CD55: variants seen among roughly 807,000 people sequenced by gnomAD.
CD55 encodes CD55 molecule (Cromer blood group), also known as complement decay-accelerating factor.
A neutral mutation model predicts 45.8 loss-of-function variants in CD55; 41 were observed. The ratio of observed to expected loss-of-function variants is 0.90; its 90% confidence interval spans 0.70 to 1.16. CD55 has a LOEUF of 1.16. Among genes scored for constraint, CD55 ranks in the 50% most tolerant of loss-of-function variants. The probability of loss-of-function intolerance (pLI) is 0.00; values close to 1 mark genes in which losing one functional copy is unlikely to be tolerated. For synonymous variants in CD55, 181 were observed against 181.1 expected (o/e 1.00, Z 0.01); for missense variants, 416 against 469.8 (o/e 0.89, Z 1.06).
chr1:207,344,433 G>A (rs1655550187), intron 9 of CD55, among the ~76,000 whole-genome samples: 1 of 152,122 alleles, frequency 6.6e-6, no homozygotes, highest in South Asian at 2.1e-4. Context: ...CCATCATGGT[G>A]ATTAATTCCA....
chr1:207,355,755 A>G (rs1045690848), intron 9 of CD55, among the ~76,000 whole-genome samples: 5 of 152,194 alleles, frequency 3.3e-5, no homozygotes, highest in Non-Finnish European at 7.3e-5. Context: ...TTACTCATCT[A>G]AAAAATGAAA....
intron 9 of CD55, among the ~76,000 whole-genome samples, chr1:207,353,755 G>T (rs1327876012): frequency 6.6e-6 from 1 of 152,150 alleles, no homozygotes; most frequent in Non-Finnish European, 1.5e-5. Context: ...AACGATGATG[G>T]CAAGACACTT....
At chr1:207,323,918 G>A (rs1654548581) in intron 2 of CD55, among the ~76,000 whole-genome samples, 2 of 152,104 alleles carry the variant, frequency 1.3e-5, no homozygotes, top group African/African-American at 4.8e-5. Flanking sequence ...CAGCTTTTAC[G>A]CCAAAACCAA....
intron 9 of CD55, among the ~76,000 whole-genome samples, chr1:207,348,041 G>A (rs867629365): frequency 1.3e-5 from 2 of 152,284 alleles, no homozygotes; most frequent in South Asian, 4.1e-4. Flanking sequence ...ACATATGTGT[G>A]CATATGTCTT....
At chr1:207,332,784 A>G (rs1228821724) in intron 6 of CD55, among the ~76,000 whole-genome samples, 3 of 152,186 alleles carry the variant, frequency 2.0e-5, no homozygotes, top group African/African-American at 4.8e-5. Context: ...CCAAAAAATT[A>G]TATTTTTTAA....
Position 207,360,928 on chromosome 1 carries a change from A to T in CD55, c.*1318A>T, listed in dbSNP as rs1323997429. 6.6e-6 allele frequency: 1 copy of T among 152,146 alleles called. No individual in the cohort carries two copies. The allele number at this position is 152,146 out of a possible 1,614,324, so 9.4% of individuals were successfully genotyped here. ...ATGGCATTTCACTGTAAAGACTTTA[A>T]TGTGTATTTCTTAAAATAAAACTTT... On this transcript the variant is annotated 3_prime_UTR_variant, in exon 10 of 10. Transcript: ENST00000367064.
At position 207,324,636 on chromosome 1, in the gene CD55, G is replaced by A. The variant is rs745869609; in HGVS notation, c.364G>A (p.Gly122Ser). 2.7e-5 allele frequency: 43 copies of A among 1,611,568 alleles called. No individual in the cohort carries two copies. Among genetic ancestry groups the A allele is most frequent in the South Asian group, 1.3e-4 (12 of 90,538 alleles). Residue 122 changes from glycine to serine, a missense_variant, in exon 3 of 10, where the codon GGT (glycine) becomes AGT (serine). Around this residue, in one of 3 missense-constraint regions of CD55, gnomAD observed 111 missense variants for 163.4 expected, o/e 0.68. Coordinates refer to ENST00000367064, the MANE Select transcript of CD55 (RefSeq NM_000574.5). ...TATCACTCAGAATTATTTTCCAGTC[G>A]GTACTGTTGTGGAATATGAGTGCCG... ...PYITQNYFPV[G>S]TVVEYECRPG...
intron 9 of CD55, among the ~76,000 whole-genome samples, chr1:207,351,754 T>A (rs1324565646): frequency 2.6e-5 from 4 of 152,206 alleles, no homozygotes; most frequent in Non-Finnish European, 5.9e-5. Flanking sequence ...TTTTCTCACC[T>A]GCTCAATGGC....
rs149088550 is a variant in CD55, at chr1:207,340,524, C to T, written c.1081+1107C>T. ...GGTACTACAGGTGTGTGCCACGACA[C>T]CCGGCTAAGTTTTTGAAATTTATTT... On this transcript the variant is annotated intron_variant, in intron 9 of 9. Transcript: ENST00000367064. 2,454 of 698,068 alleles carry T rather than the reference C, an allele frequency of 3.5e-3. 12 individuals are homozygous for T. Among genetic ancestry groups the T allele is most frequent in the Non-Finnish European group, 4.5e-3 (1,735 of 383,400 alleles). The allele number at this position is 698,068 out of a possible 1,614,324, so 43.2% of individuals were successfully genotyped here.
Position 207,359,606 on chromosome 1 carries a change from CT to C in CD55, c.1144del (p.Ter382SerfsTer29). 1 of 1,586,736 alleles carries C rather than the reference CT, an allele frequency of 6.3e-7. No homozygotes were observed. The highest frequency in any genetic ancestry group is 1.8e-5 in the Admixed American group (1 of 55,702). On this transcript the variant is annotated frameshift_variant, in exon 10 of 10. Transcript: ENST00000367064. LOFTEE classifies it high-confidence loss of function. ...LGTLVTMGLL[T>X] Reference sequence around the variant, plus strand: ...ACGCTAGTAACCATGGGCTTGCTGACTTAGCCAAAGAAGAGTTAAGAAGAAA... The same window carrying C: ...ACGCTAGTAACCATGGGCTTGCTGACTAGCCAAAGAAGAGTTAAGAAGAAA...
Position 207,329,858 on chromosome 1 carries a change from C to T in CD55, c.665-1250C>T, listed in dbSNP as rs1054745845. 2.0e-5 allele frequency among the ~76,000 whole-genome samples: 3 copies of T among 152,060 alleles called. 1 individual carries two copies. The highest frequency in any genetic ancestry group is 4.1e-4 in the South Asian group (2 of 4,820). On this transcript the variant is annotated intron_variant, in intron 5 of 9. Coordinates refer to ENST00000367064, the MANE Select transcript of CD55 (RefSeq NM_000574.5). ...AACTCCTGGGCTCAAGCAGTCTGCC[C>T]GCCTCAGCCTCCCAAAGTTCTGGGA...
chr1:207,336,029 A>G (rs752780352), intron 6 of CD55, among the ~76,000 whole-genome samples: 1 of 152,144 alleles, frequency 6.6e-6, no homozygotes, highest in African/African-American at 2.4e-5. Flanking sequence ...ACTTTGTATA[A>G]GTGACCCAAT....
intron 6 of CD55, 46 bp downstream of exon 6, chr1:207,331,342 G>T (rs772949620): frequency 3.4e-6 from 5 of 1,470,554 alleles, no homozygotes; most frequent in Non-Finnish European, 4.7e-6. Flanking sequence ...CTTACCCTCA[G>T]GTCTATATGT....
In CD55 at chr1:207,325,703, CCTT is replaced by C. The variant is rs764441759; in HGVS notation, c.563_565del (p.Phe188del). 3.1e-6 allele frequency: 5 copies of C among 1,605,094 alleles called. No homozygotes were observed. Among genetic ancestry groups the C allele is most frequent in the African/African-American group, 2.7e-5 (2 of 74,710 alleles). ...GGCATATTATTTGGTGCAACCATCT[CCTT>C]CTCATGTAACACAGGGTAAGTTTGG... On this transcript the variant is annotated inframe_deletion, in exon 4 of 10. Coordinates refer to ENST00000367064, the MANE Select transcript of CD55 (RefSeq NM_000574.5).
At chr1:207,326,694 A>T in intron 4 of CD55, 58 bp from the exon 5 acceptor site, 1 of 1,261,258 alleles carries the variant, frequency 7.9e-7, no homozygotes, top group South Asian at 1.2e-5. Flanking sequence ...GGAGAATTTG[A>T]GGAAAGTCAA....
intron 5 of CD55, among the ~76,000 whole-genome samples, chr1:207,329,370 A>G (rs1426812711): frequency 1.3e-5 from 2 of 152,174 alleles, no homozygotes; most frequent in Non-Finnish European, 2.9e-5. Context: ...TCCTGCCTCC[A>G]TTCTTTCACT....
At position 207,336,750 on chromosome 1, in the gene CD55, T is replaced by C. The variant is rs1655190323; in HGVS notation, c.911T>C (p.Val304Ala). The C allele has an allele frequency of 1.2e-6, 2 of 1,613,770 alleles. No homozygotes were observed. Among genetic ancestry groups the C allele is most frequent in the Admixed American group, 3.3e-5 (2 of 59,966 alleles). ...GTTCAGAAACCTACCACAGTAAATG[T>C]TCCAACTACAGAAGTCTCACCAACT... Reference protein sequence around the residue: ...PTVQKPTTVNVPTTEVSPTSQ... With the variant: ...PTVQKPTTVNAPTTEVSPTSQ... The change falls in exon 7 of 10, where the codon GTT becomes GCT. Residue 304 changes from valine (V) to alanine (A), a missense_variant. Coordinates refer to ENST00000367064, the MANE Select transcript of CD55 (RefSeq NM_000574.5).
intron 9 of CD55, among the ~76,000 whole-genome samples, chr1:207,349,269 G>A (rs775848068): frequency 4.6e-5 from 7 of 150,866 alleles, no homozygotes; most frequent in South Asian, 2.1e-4. Flanking sequence ...TGCAACCTCC[G>A]TCTCCTGGGT....
At chr1:207,333,788 A>G (rs1243108527) in intron 6 of CD55, among the ~76,000 whole-genome samples, 5 of 152,234 alleles carry the variant, frequency 3.3e-5, no homozygotes, top group Admixed American at 1.3e-4. Flanking sequence ...CAGAGCAGGA[A>G]ACAGTATTAG....
Sources: allele counts gnomAD v4.1 joint callset (sites outside exome capture counted in the v4.1 genomes callset), GRCh38; gene constraint gnomAD v4.1.1; regional missense constraint gnomAD v4.1.1; transcripts MANE v1.5; gene names NCBI Gene and HGNC (gene_info 2026-07-23, HGNC 2026-07-21).